The following TSHB variants were observed in gnomAD, a reference collection of about 807,000 sequenced individuals.
TSHB encodes thyrotropin subunit beta.
Under a neutral mutation model 9.3 loss-of-function variants are expected in TSHB, and 9 were observed. The observed-to-expected ratio is 0.97, with a 90% CI of 0.58 to 1.69. The LOEUF (loss-of-function observed/expected upper bound fraction) is 1.69. Ranked by LOEUF, TSHB falls within the 40% of genes most tolerant of loss-of-function variation. The probability of loss-of-function intolerance (pLI) is 0.00; values close to 1 mark genes in which losing one functional copy is unlikely to be tolerated. For synonymous variants in TSHB, 57 were observed against 57.2 expected, an observed-to-expected ratio of 1.00 and a Z score of 0.01; for missense variants, 182 against 168.5, an observed-to-expected ratio of 1.08 and a Z score of -0.44.
rs1185914926 is a variant in TSHB, at chr1:115,033,460, G to A, written c.98G>A (p.Arg33Lys). 1 of 1,613,198 alleles carries A rather than the reference G, an allele frequency of 6.2e-7. No individual in the cohort carries two copies. The highest frequency in any genetic ancestry group is 1.7e-5 in the Admixed American group (1 of 59,984). Reference sequence around the variant, plus strand: ...ACTGAGTATACAATGCACATCGAAAGGAGAGAGTGTGCTTATTGCCTAACC... The same window carrying A: ...ACTGAGTATACAATGCACATCGAAAAGAGAGAGTGTGCTTATTGCCTAACC... ...IPTEYTMHIE[R>K]RECAYCLTIN... Residue 33 changes from arginine to lysine, a missense_variant, in exon 2 of 3, where the codon AGG (arginine) becomes AAG (lysine). Transcript: ENST00000256592.
chr1:115,032,901 G>C (rs534287728), intron 1 of TSHB, among the ~76,000 whole-genome samples: 2 of 151,890 alleles, frequency 1.3e-5, no homozygotes, highest in Non-Finnish European at 2.9e-5. Context: ...CTGAGGCACT[G>C]TGGATCCTCT....
chr1:115,032,054 T>C (rs1360337335), intron 1 of TSHB, among the ~76,000 whole-genome samples: 2 of 152,070 alleles, frequency 1.3e-5, no homozygotes, highest in Non-Finnish European at 2.9e-5. Context: ...TTTTTATTAT[T>C]TGTGTTCATA....
intron 1 of TSHB, among the ~76,000 whole-genome samples, chr1:115,031,134 G>A (rs1674885924): frequency 6.6e-6 from 1 of 151,996 alleles, no homozygotes; most frequent in East Asian, 1.9e-4. Flanking sequence ...GGCCCAGAAA[G>A]ATTCTGTGGG....
intron 1 of TSHB, among the ~76,000 whole-genome samples, chr1:115,031,935 GTTAGT>G (rs1488915333): frequency 6.6e-6 from 1 of 151,982 alleles, no homozygotes; most frequent in African/African-American, 2.4e-5. Flanking sequence ...CCTAAAATGG[GTTAGT>G]TTACTTTCTT....
intron 1 of TSHB, among the ~76,000 whole-genome samples, chr1:115,030,697 C>G (rs1674877154): frequency 6.6e-6 from 1 of 151,962 alleles, no homozygotes; most frequent in Admixed American, 6.6e-5. Context: ...TGTTTAGGTA[C>G]CCAACAAATT....
At chr1:115,031,155 C>T (rs1674886222) in intron 1 of TSHB, among the ~76,000 whole-genome samples, 1 of 151,984 alleles carries the variant, frequency 6.6e-6, no homozygotes, top group South Asian at 2.1e-4. Flanking sequence ...TGAAGTTTTA[C>T]TATTCGCAAT....
chr1:115,033,826 G>T (rs189315284), intron 2 of TSHB, 147 bp from the exon 3 acceptor site: 2 of 1,141,856 alleles, frequency 1.8e-6, no homozygotes, highest in Admixed American at 3.7e-5. Context: ...ACGTGGTTAA[G>T]TTGGTATTGG....
Position 115,033,967 on chromosome 1 carries a change from C to T in TSHB, c.163-6C>T. The T allele has an allele frequency of 6.2e-7, 1 of 1,612,916 alleles. No homozygotes were observed. Among genetic ancestry groups the T allele is most frequent in the Non-Finnish European group, 8.5e-7 (1 of 1,179,576 alleles). On this transcript the variant is annotated splice_polypyrimidine_tract_variant and splice_region_variant and intron_variant, in intron 2 of 2. Transcript: ENST00000256592. ...CATTATGCTCTCTTTTCTGTTCTTT[C>T]CCCAGGATATCAATGGCAAACTGTT...
rs1674934039 is a variant in TSHB, at chr1:115,033,275, G to A, written c.-1-87G>A. 15 of 1,188,994 alleles carry A rather than the reference G, an allele frequency of 1.3e-5. No homozygotes were observed. In the East Asian group the frequency reaches 2.6e-4, roughly 21 times the overall value. The allele number at this position is 1,188,994 out of a possible 1,614,324, so 73.7% of individuals were successfully genotyped here. A position where few individuals can be genotyped will look rare whatever the true frequency, so the allele number is the denominator to read the frequency against. The stretch of plus-strand genomic sequence containing the variant: ...AAGCATGATCATATGCATTGGGATG[G>A]TACTGAAGTTTGGTTATACTTTTTC... On this transcript the variant is annotated intron_variant, in intron 1 of 2. Transcript: ENST00000256592.
In TSHB at chr1:115,034,210, G is replaced by A. The variant is rs768097476; in HGVS notation, c.400G>A (p.Val134Ile). Residue 134 changes from valine to isoleucine, a missense_variant, in exon 3 of 3, where the codon GTA (valine) becomes ATA (isoleucine). Physicochemically the swap from Val to Ile is conservative, Grantham distance 29. Transcript: ENST00000256592. ...TACCAAACCTCAGAAGTCTTATCTG[G>A]TAGGATTTTCTGTCTAATAGTGATA... ...YCTKPQKSYL[V>I]GFSV The A allele has an allele frequency of 5.0e-6, 8 of 1,613,622 alleles. No homozygotes were observed. Among genetic ancestry groups the A allele is most frequent in the East Asian group, 2.2e-5 (1 of 44,872 alleles).
rs11102876 is a variant in TSHB at position 115,033,634 on chromosome 1, A to G, written c.162+110A>G. On this transcript the variant is annotated intron_variant, in intron 2 of 2. Transcript: ENST00000256592. ...AATCACAACCTCATTTCCCAAATCT[A>G]ATGGTTATTGGCTCCTTAGAAGCAG... 3.6e-3 allele frequency: 3,934 copies of G among 1,078,138 alleles called. 99 individuals carry two copies. In the African/African-American group the frequency reaches 0.053, roughly 15 times the overall value. 66.8% of individuals were successfully genotyped at this position (1,078,138 alleles called of 1,614,324 possible).
chr1:115,032,755 T>C (rs1674921504), intron 1 of TSHB, among the ~76,000 whole-genome samples: 1 of 152,000 alleles, frequency 6.6e-6, no homozygotes, highest in African/African-American at 2.4e-5. Flanking sequence ...AATATCATAT[T>C]GATATGATAT....
In TSHB at chr1:115,030,812, C is replaced by T. The variant is rs796927696; in HGVS notation, c.-2+952C>T. Among the ~76,000 whole-genome samples, 15 of 152,002 alleles carry T rather than the reference C, an allele frequency of 9.9e-5. No individual in the cohort carries two copies. The East Asian group carries it at 2.1e-3, about 22-fold the overall frequency. ...TCACAGAGGAAGGGATTAACTAACGCGGATTTGTACAGTGTTATACAGCTA... is the reference window on the plus strand; with the variant it reads ...TCACAGAGGAAGGGATTAACTAACGTGGATTTGTACAGTGTTATACAGCTA... On this transcript the variant is annotated intron_variant, in intron 1 of 2. Transcript: ENST00000256592.
chr1:115,034,262 T>A lies in TSHB; in HGVS notation c.*35T>A. On this transcript the variant is annotated 3_prime_UTR_variant, in exon 3 of 3. Transcript: ENST00000256592. ...AATTTGCAATTTGGTTAAATGTGCT[T>A]GCCTGAAATAAAGCTAATAAAAATA... 6.3e-7 allele frequency: 1 copy of A among 1,598,990 alleles called. No individual in the cohort carries two copies. The highest frequency in any genetic ancestry group is 8.6e-7 in the Non-Finnish European group (1 of 1,166,526).
intron 2 of TSHB, 69 bp from the exon 3 acceptor site, chr1:115,033,902 TTA>T (rs377763972): frequency 5.5e-5 from 87 of 1,575,324 alleles, no homozygotes; most frequent in South Asian, 4.7e-4. Context: ...GAATTTATTT[TTA>T]TGTTTCTATT....
chr1:115,033,683 T>G (rs941127014), intron 2 of TSHB, 159 bp downstream of exon 2: 5 of 239,488 alleles, frequency 2.1e-5, no homozygotes, highest in Non-Finnish European at 3.4e-5. Context: ...CAATATTATG[T>G]GAATCTACTC....
intron 1 of TSHB, among the ~76,000 whole-genome samples, chr1:115,031,086 C>T (rs1238530308): frequency 1.3e-5 from 2 of 151,988 alleles, no homozygotes; most frequent in Non-Finnish European, 2.9e-5. Context: ...TGATCATCTT[C>T]TGGCTCTAAG....
At chr1:115,030,568 A>G (rs1376967582) in intron 1 of TSHB, among the ~76,000 whole-genome samples, 1 of 152,006 alleles carries the variant, frequency 6.6e-6, no homozygotes, top group Admixed American at 6.6e-5. Context: ...GAGAGGAAAG[A>G]GGCAAAGGAA....
intron 1 of TSHB, among the ~76,000 whole-genome samples, chr1:115,032,203 G>A (rs1406742134): frequency 6.6e-6 from 1 of 151,912 alleles, no homozygotes; most frequent in African/African-American, 2.4e-5. Flanking sequence ...ATAGAAGGTT[G>A]ATTGAAATGA....
Sources: allele counts gnomAD v4.1 joint callset (sites outside exome capture counted in the v4.1 genomes callset), GRCh38; gene constraint gnomAD v4.1.1; transcripts MANE v1.5; gene names NCBI Gene and HGNC (gene_info 2026-07-23, HGNC 2026-07-21).